The following FMN2 variants were observed in gnomAD, a reference collection of about 807,000 sequenced individuals.
FMN2 encodes the protein formin 2, also known as formin-2.
In FMN2, 51 loss-of-function variants were observed where a neutral mutation model predicts 142.3. The observed-to-expected ratio is 0.36, with a 90% CI of 0.29 to 0.45. The LOEUF is 0.45. Ranked by LOEUF, FMN2 falls within the 20% of genes least tolerant of loss-of-function variation. The pLI is 1.00. For synonymous variants in FMN2, 882 were observed against 869.8 expected (o/e 1.01, Z -0.25); for missense variants, 1,936 against 2,122.8 (o/e 0.91, Z 1.73).
chr1:240,410,745 G>A (rs759545806), intron 15 of FMN2, among the ~76,000 whole-genome samples: 8 of 151,960 alleles, frequency 5.3e-5, no homozygotes, highest in Non-Finnish European at 1.2e-4. Context: ...TATTGTTATC[G>A]TCGTGTTTTT....
chr1:240,148,259 CAGAG>C (rs1196375290), intron 2 of FMN2, among the ~76,000 whole-genome samples: 4 of 143,978 alleles, frequency 2.8e-5, no homozygotes, highest in Non-Finnish European at 4.6e-5. Flanking sequence ...CAGAGATAGA[CAGAG>C]AGACAGAGAT....
chr1:240,418,844 C>T (rs910064055), intron 15 of FMN2, among the ~76,000 whole-genome samples: 3 of 152,164 alleles, frequency 2.0e-5, no homozygotes, highest in Non-Finnish European at 2.9e-5. Flanking sequence ...TGGTGGCTCA[C>T]GCCTGTAATT....
intron 3 of FMN2, among the ~76,000 whole-genome samples, chr1:240,180,813 C>T (rs1026545877): frequency 2.0e-5 from 3 of 151,908 alleles, no homozygotes; most frequent in Admixed American, 6.6e-5. Context: ...GTGATCTGCC[C>T]GCCTCTGCCT....
chr1:240,139,979 G>A (rs1175097391), intron 2 of FMN2, among the ~76,000 whole-genome samples: 15 of 152,168 alleles, frequency 9.9e-5, no homozygotes, highest in Admixed American at 7.9e-4. Flanking sequence ...GAGGGGGTTC[G>A]GATAGGATGC....
chr1:240,328,943 G>A (rs1671287876), intron 8 of FMN2, 133 bp from the exon 9 acceptor site: 9 of 778,744 alleles, frequency 1.2e-5, no homozygotes, highest in African/African-American at 1.8e-5. Context: ...ACTATATACA[G>A]ATGCTAAGAA....
chr1:240,220,085 C>T (rs575654605), intron 6 of FMN2, among the ~76,000 whole-genome samples: 1 of 152,246 alleles, frequency 6.6e-6, no homozygotes, highest in African/African-American at 2.4e-5. Flanking sequence ...AGAGTCTTCT[C>T]GAGATAGTGA....
chr1:240,130,988 C>T (rs1035886394), intron 2 of FMN2, among the ~76,000 whole-genome samples: 12 of 152,124 alleles, frequency 7.9e-5, no homozygotes, highest in Non-Finnish European at 1.8e-4. Flanking sequence ...CCTGAACTGG[C>T]TTACGATTCA....
intron 7 of FMN2, among the ~76,000 whole-genome samples, chr1:240,294,511 G>A (rs1248422717): frequency 6.6e-6 from 1 of 152,210 alleles, no homozygotes; most frequent in Non-Finnish European, 1.5e-5. Flanking sequence ...TGCTTATTTT[G>A]CTGGTATGAA....
chr1:240,326,538 A>C (rs542704425), intron 8 of FMN2, among the ~76,000 whole-genome samples: 58 of 151,982 alleles, frequency 3.8e-4, no homozygotes, highest in Non-Finnish European at 5.9e-5. Context: ...CTGCCTTTTG[A>C]TTTGTTTTTG....
At chr1:240,136,709 A>G (rs79037528) in intron 2 of FMN2, among the ~76,000 whole-genome samples, 3,547 of 152,212 alleles carry the variant, frequency 0.023, 139 homozygotes, top group African/African-American at 0.079. Context: ...AATATTAATT[A>G]GTTCTATTGA....
At chr1:240,240,494 C>T (rs1390748595) in intron 6 of FMN2, among the ~76,000 whole-genome samples, 14 of 152,102 alleles carry the variant, frequency 9.2e-5, no homozygotes, top group Admixed American at 6.6e-4. Flanking sequence ...ATCTGCATCA[C>T]GTCTTTTATT....
intron 6 of FMN2, among the ~76,000 whole-genome samples, chr1:240,243,683 A>G (rs1456654): frequency 0.35 from 53,902 of 152,008 alleles, 9,619 homozygotes; most frequent in Middle Eastern, 0.47. Flanking sequence ...AATATTGCAT[A>G]TGGATTATTA....
chr1:240,173,244 C>A (rs1322422502), intron 2 of FMN2, among the ~76,000 whole-genome samples: 1 of 152,080 alleles, frequency 6.6e-6, no homozygotes, highest in Non-Finnish European at 1.5e-5. Flanking sequence ...CCTCAAGTGG[C>A]TTTTATGTAG....
chr1:240,343,241 A>G (rs1671800887), intron 13 of FMN2, among the ~76,000 whole-genome samples: 1 of 152,236 alleles, frequency 6.6e-6, no homozygotes, highest in South Asian at 2.1e-4. Context: ...GCTTGCTATG[A>G]CTACTCTGTG....
At chr1:240,135,143 C>A (rs74149339) in intron 2 of FMN2, among the ~76,000 whole-genome samples, 1,656 of 152,298 alleles carry the variant, frequency 0.011, 38 homozygotes, top group African/African-American at 0.038. Context: ...CTTTCCCTAG[C>A]ACCTCACCAA....
At chr1:240,398,537 T>C (rs1673866631) in intron 15 of FMN2, among the ~76,000 whole-genome samples, 1 of 152,138 alleles carries the variant, frequency 6.6e-6, no homozygotes, top group Admixed American at 6.5e-5. Flanking sequence ...AATTAAACAA[T>C]GAACCCCAAA....
At position 240,217,906 on chromosome 1, in the gene FMN2, A is replaced by G. The variant is rs186770514; in HGVS notation, c.4065+6671A>G. Among the ~76,000 whole-genome samples the G allele has an allele frequency of 2.7e-3, 411 of 152,296 alleles. 3 individuals are homozygous for G. The highest frequency in any genetic ancestry group is 0.027 in the South Asian group (130 of 4,826). ...ATTATATATTAGGGAAATTATATTTAGGTAATCGTGCTTTGGAATTGCATA... is the reference window on the plus strand; with the variant it reads ...ATTATATATTAGGGAAATTATATTTGGGTAATCGTGCTTTGGAATTGCATA... On this transcript the variant is annotated intron_variant, in intron 6 of 17. Coordinates refer to ENST00000319653, the MANE Select transcript of FMN2 (RefSeq NM_020066.5).
chr1:240,221,444 T>A (rs1667108676), intron 6 of FMN2, among the ~76,000 whole-genome samples: 1 of 152,220 alleles, frequency 6.6e-6, no homozygotes, highest in Admixed American at 6.5e-5. Flanking sequence ...ATTGTGTTTT[T>A]GATTTGCATT....
intron 1 of FMN2, among the ~76,000 whole-genome samples, chr1:240,099,971 G>A (rs1661359698): frequency 6.6e-6 from 1 of 152,066 alleles, no homozygotes; most frequent in African/African-American, 2.4e-5. Context: ...CTGTCAATAT[G>A]TGTAAAGCAC....
Sources: gnomAD v4.1 joint callset for allele counts (sites outside exome capture counted in the v4.1 genomes callset) on GRCh38, gnomAD v4.1.1 for gene constraint, MANE v1.5 for transcripts, NCBI Gene and HGNC (gene_info 2026-07-23, HGNC 2026-07-21) for gene names.